LYST: variants seen among roughly 807,000 people sequenced by gnomAD.
The protein encoded by LYST is lysosomal trafficking regulator, also known as lysosomal-trafficking regulator.
LYST carries 192 observed loss-of-function variants against 413.6 expected under a neutral mutation model. The ratio of observed to expected loss-of-function variants is 0.46; its 90% confidence interval spans 0.41 to 0.52. The LOEUF (loss-of-function observed/expected upper bound fraction) is 0.52. LYST is among the 20% of genes least tolerant of loss of function. The probability of loss-of-function intolerance (pLI) is 0.00; values close to 1 mark genes in which losing one functional copy is unlikely to be tolerated. For missense variants in LYST, 3,815 were observed against 4,499.9 expected (o/e 0.85, Z 4.35); for synonymous variants, 1,525 against 1,567.3 (o/e 0.97, Z 0.64).
Position 235,830,275 on chromosome 1 carries a change from T to C in LYST, c.143A>G (p.His48Arg), listed in dbSNP as rs200132460. The C allele has an allele frequency of 2.1e-4, 334 of 1,614,054 alleles. No homozygotes were observed. The highest frequency in any genetic ancestry group is 1.3e-3 in the Admixed American group (81 of 60,012). The change falls in exon 3 of 53, where the codon CAT becomes CGT. Residue 48 changes from histidine (H) to arginine (R), a missense_variant. By Grantham distance (29) the His-to-Arg change is conservative (BLOSUM62 0). Transcript: ENST00000389793. ...GGTAAGTAATAGAAATCCTCGACCA[T>C]GGACAAGGTACTGTCCAAGGGTTGC... ...HMATLGQYLV[H>R]GRGFLLLTKL... is the part of the protein sequence containing the mutation.
intron 46 of LYST, among the ~76,000 whole-genome samples, chr1:235,695,793 C>T (rs186520638): frequency 2.8e-4 from 43 of 151,950 alleles, no homozygotes; most frequent in African/African-American, 6.8e-4. Flanking sequence ...CCACCACGCC[C>T]GGCTAATTTT....
intron 28 of LYST, among the ~76,000 whole-genome samples, chr1:235,750,161 G>A (rs910959757): frequency 6.6e-6 from 1 of 152,148 alleles, no homozygotes; most frequent in East Asian, 1.9e-4. Context: ...ACTAATGCTA[G>A]AACTGATAAA....
At chr1:235,754,160 G>A (rs1044548141) in intron 25 of LYST, among the ~76,000 whole-genome samples, 1 of 150,974 alleles carries the variant, frequency 6.6e-6, no homozygotes, top group Non-Finnish European at 1.5e-5. Context: ...AGAGTAAGGC[G>A]TTCCTATATG....
chr1:235,704,548 T>C (rs1661811235), intron 44 of LYST, among the ~76,000 whole-genome samples: 1 of 152,244 alleles, frequency 6.6e-6, no homozygotes, highest in Non-Finnish European at 1.5e-5. Context: ...GTCACACGTA[T>C]GTCTTGTTTT....
chr1:235,686,395 A>C lies in LYST; in HGVS notation c.10800+554T>G, dbSNP rs919883267. 8.5e-5 allele frequency among the ~76,000 whole-genome samples: 13 copies of C among 152,108 alleles called. No individual in the cohort carries two copies. Among genetic ancestry groups the C allele is most frequent in the African/African-American group, 1.4e-4 (6 of 41,410 alleles). ...AAACAAAAACAAAACAAAACAAAAC[A>C]AAACCCCCCAAAAACAGTAAATTAA... On this transcript the variant is annotated intron_variant, in intron 48 of 52. Transcript: ENST00000389793. The surrounding 1 kb of genome is among the most constrained non-coding windows in gnomAD (Gnocchi z 4.0).
At chr1:235,827,576 A>G (rs1675474669) in intron 3 of LYST, 1 of 981,106 alleles carries the variant, frequency 1.0e-6, no homozygotes, top group Admixed American at 6.2e-5. Context: ...TCCCCTTAAA[A>G]ACTCAAACAT....
chr1:235,857,732 CAT>C (rs1216098479), intron 1 of LYST, among the ~76,000 whole-genome samples: 4 of 129,868 alleles, frequency 3.1e-5, no homozygotes, highest in African/African-American at 9.0e-5. Flanking sequence ...TATACACAAA[CAT>C]ATGTAAATAC....
intron 48 of LYST, among the ~76,000 whole-genome samples, chr1:235,683,501 C>T (rs914746547): frequency 1.1e-4 from 17 of 152,306 alleles, no homozygotes; most frequent in South Asian, 1.0e-3. Context: ...TCCCATATAA[C>T]GAGTCAACTT....
intron 1 of LYST, among the ~76,000 whole-genome samples, chr1:235,852,085 A>T (rs1678606697): frequency 6.6e-6 from 1 of 152,214 alleles, no homozygotes; most frequent in African/African-American, 2.4e-5. Flanking sequence ...GAGTGCATTA[A>T]GGAGCATCTG....
At chr1:235,737,959 G>GAAAAA in intron 31 of LYST, 5 of 1,300,232 alleles carry the variant, frequency 3.8e-6, no homozygotes, top group South Asian at 2.3e-5. Flanking sequence ...CGCCGGACGT[G>GAAAAA]CATTCTCGAT....
At chr1:235,807,546 A>G (rs556731522) in intron 5 of LYST, among the ~76,000 whole-genome samples, 1 of 152,348 alleles carries the variant, frequency 6.6e-6, no homozygotes, top group South Asian at 2.1e-4. Context: ...ACTGTAAGGC[A>G]TTGATTTAAC....
At chr1:235,787,605 A>T (rs992029847) in intron 13 of LYST, among the ~76,000 whole-genome samples, 1 of 152,170 alleles carries the variant, frequency 6.6e-6, no homozygotes, top group Non-Finnish European at 1.5e-5. Flanking sequence ...GCTGGTAGTC[A>T]TAATTTAGGC....
At chr1:235,672,968 C>G (rs1229442820) in intron 50 of LYST, among the ~76,000 whole-genome samples, 1 of 152,194 alleles carries the variant, frequency 6.6e-6, no homozygotes, top group Admixed American at 6.5e-5. Flanking sequence ...CCCTCAAACT[C>G]CCAGTTCACC....
chr1:235,724,613 A>G (rs1488928947), intron 38 of LYST, among the ~76,000 whole-genome samples: 3 of 148,434 alleles, frequency 2.0e-5, no homozygotes, highest in Non-Finnish European at 4.4e-5. Flanking sequence ...ACAAATGTAT[A>G]ATGACATGTA....
chr1:235,687,854 C>T (rs1660338444), intron 47 of LYST, among the ~76,000 whole-genome samples: 1 of 152,180 alleles, frequency 6.6e-6, no homozygotes, highest in Non-Finnish European at 1.5e-5. Flanking sequence ...TCAGCCTTGC[C>T]TCATCCTCAG....
Position 235,808,812 on chromosome 1 carries a change from C to G in LYST, c.2006G>C (p.Ser669Thr), listed in dbSNP as rs1673142028. The G allele has an allele frequency of 1.2e-6, 2 of 1,614,068 alleles. No homozygotes were observed. Among genetic ancestry groups the G allele is most frequent in the African/African-American group, 2.7e-5 (2 of 75,032 alleles). Residue 669 changes from serine (S) to threonine (T), a missense_variant, in exon 5 of 53, where the codon AGT becomes ACT. Ser to Thr is a moderately conservative substitution (Grantham distance 58, BLOSUM62 1). This residue lies in a region of LYST where 1,648 missense variants were observed against 1,810.3 expected (regional missense o/e 0.91). Coordinates refer to ENST00000389793, the MANE Select transcript of LYST (RefSeq NM_000081.4). ...CDAELSSSLS[S>T]PSYRFQGILP... ...GATCCCTTGAAATCTGTAAGAAGGACTGGATAAACTTGAGGAGAGTTCAGC... is the reference window on the plus strand; with the variant it reads ...GATCCCTTGAAATCTGTAAGAAGGAGTGGATAAACTTGAGGAGAGTTCAGC...
intron 50 of LYST, among the ~76,000 whole-genome samples, chr1:235,671,838 C>T (rs1266044806): frequency 1.3e-5 from 2 of 152,076 alleles, no homozygotes; most frequent in Non-Finnish European, 2.9e-5. Context: ...TTCGATTTAC[C>T]TTTATGAAAT....
At chr1:235,729,216 G>A (rs1462062522) in intron 37 of LYST, among the ~76,000 whole-genome samples, 2 of 151,890 alleles carry the variant, frequency 1.3e-5, no homozygotes, top group African/African-American at 2.4e-5. Flanking sequence ...TATAAATTAT[G>A]GACAATCTTA....
At position 235,731,964 on chromosome 1, in the gene LYST, G is replaced by T. The variant is rs1377842751; in HGVS notation, c.8802-787C>A. Among the ~76,000 whole-genome samples, 9 of 151,806 alleles carry T rather than the reference G, an allele frequency of 5.9e-5. No homozygotes were observed. The South Asian group carries it at 1.9e-3, about 31-fold the overall frequency. Reference sequence around the variant, plus strand: ...ATAAATTTTATCTTAGATGAAATAAGACAGGAAAAACATATTAAGTACATT... The same window carrying T: ...ATAAATTTTATCTTAGATGAAATAATACAGGAAAAACATATTAAGTACATT... On this transcript the variant is annotated intron_variant, in intron 34 of 52. Coordinates refer to ENST00000389793, the MANE Select transcript of LYST (RefSeq NM_000081.4).
Sources: allele counts gnomAD v4.1 joint callset (sites outside exome capture counted in the v4.1 genomes callset), GRCh38; gene constraint gnomAD v4.1.1; regional missense constraint gnomAD v4.1.1; non-coding constraint Gnocchi (gnomAD v3.1); transcripts MANE v1.5; gene names NCBI Gene and HGNC (gene_info 2026-07-23, HGNC 2026-07-21).